The following ADAM32 variants were observed in gnomAD, a reference collection of about 807,000 sequenced individuals.
ADAM32 encodes the protein ADAM metallopeptidase domain 32, also known as disintegrin and metalloproteinase domain-containing protein 32.
ADAM32 carries 89 observed loss-of-function variants against 114.9 expected under a neutral mutation model. The observed-to-expected ratio is 0.77, with a 90% CI of 0.65 to 0.92. The LOEUF (loss-of-function observed/expected upper bound fraction) is 0.92. ADAM32 is among the 40% of genes least tolerant of loss of function. The pLI, the probability that ADAM32 is intolerant of heterozygous loss-of-function variation, is 0.00. For missense variants in ADAM32, 870 were observed against 932.8 expected (o/e 0.93, Z 0.88); for synonymous variants, 285 against 307.5 (o/e 0.93, Z 0.77).
At chr8:39,149,057 A>G (rs1803670437) in intron 4 of ADAM32, among the ~76,000 whole-genome samples, 2 of 152,172 alleles carry the variant, frequency 1.3e-5, no homozygotes, top group Admixed American at 1.3e-4. Flanking sequence ...AGTATTTTGC[A>G]TATGTTAACT....
intron 1 of ADAM32, among the ~76,000 whole-genome samples, chr8:39,113,946 G>T (rs1365539098): frequency 6.6e-6 from 1 of 152,104 alleles, no homozygotes; most frequent in Admixed American, 6.5e-5. Context: ...TGCATATTAG[G>T]TATTAGGAGA....
intron 20 of ADAM32, among the ~76,000 whole-genome samples, chr8:39,272,067 G>A (rs1447711542): frequency 4.3e-5 from 5 of 115,488 alleles, no homozygotes; most frequent in African/African-American, 1.7e-4. Context: ...AGGAGTTCAA[G>A]ACTGCAGTGA....
intron 11 of ADAM32, among the ~76,000 whole-genome samples, chr8:39,191,964 C>A (rs7000543): frequency 0.25 from 37,473 of 151,918 alleles, 4,997 homozygotes; most frequent in Non-Finnish European, 0.29. Context: ...GAATGGTACC[C>A]GGTCTTCTTT....
intron 11 of ADAM32, among the ~76,000 whole-genome samples, chr8:39,208,837 A>G (rs1808023717): frequency 6.6e-6 from 1 of 152,182 alleles, no homozygotes; most frequent in African/African-American, 2.4e-5. Context: ...TCTTTGACCT[A>G]TGAGAGTTTG....
At chr8:39,273,032 A>G (rs1387057181) in intron 20 of ADAM32, among the ~76,000 whole-genome samples, 1 of 152,050 alleles carries the variant, frequency 6.6e-6, no homozygotes, top group Non-Finnish European at 1.5e-5. Flanking sequence ...ACTGTCTTCC[A>G]TCTCCACATC....
In ADAM32 at chr8:39,192,852, T is replaced by G. The variant is rs1006729291; in HGVS notation, c.1052+5807T>G. Among the ~76,000 whole-genome samples, 67 of 152,216 alleles carry G rather than the reference T, an allele frequency of 4.4e-4. 1 individual carries two copies. The highest frequency in any genetic ancestry group is 1.5e-3 in the African/African-American group (64 of 41,460). ...ACATTGAATATTGGCCTCTGGTCTC[T>G]TCTGGCTTGTGGGGTTTCTGCTGAG... is the stretch of plus-strand genomic sequence containing the variant. On this transcript the variant is annotated intron_variant, in intron 11 of 24. Transcript: ENST00000379907.
At chr8:39,256,132 T>C (rs1811633658) in intron 18 of ADAM32, among the ~76,000 whole-genome samples, 1 of 152,052 alleles carries the variant, frequency 6.6e-6, no homozygotes, top group Admixed American at 6.6e-5. Context: ...ACTTTAGCCT[T>C]ATTGTCTATG....
intron 17 of ADAM32, among the ~76,000 whole-genome samples, chr8:39,247,188 T>G (rs1810984647): frequency 6.6e-6 from 1 of 152,206 alleles, no homozygotes; most frequent in South Asian, 2.1e-4. Context: ...TGTGTGGACA[T>G]AAATTTTCAC....
chr8:39,183,401 C>T (rs1476034734), intron 10 of ADAM32, among the ~76,000 whole-genome samples: 1 of 152,202 alleles, frequency 6.6e-6, no homozygotes, highest in African/African-American at 2.4e-5. Context: ...CCCTACCATA[C>T]CAGAAACCTT....
chr8:39,250,313 AC>A (rs1246241056), intron 17 of ADAM32, among the ~76,000 whole-genome samples: 4 of 151,264 alleles, frequency 2.6e-5, no homozygotes, highest in Non-Finnish European at 5.9e-5. Flanking sequence ...CTATTGAGAC[AC>A]CCTCAAGCTC....
At chr8:39,121,561 G>C (rs1840592302) in intron 2 of ADAM32, among the ~76,000 whole-genome samples, 1 of 152,084 alleles carries the variant, frequency 6.6e-6, no homozygotes, top group Non-Finnish European at 1.5e-5. Flanking sequence ...TAACAAACCT[G>C]CATGTTCTGC....
At chr8:39,141,955 T>C (rs1453434484) in intron 3 of ADAM32, among the ~76,000 whole-genome samples, 3 of 152,226 alleles carry the variant, frequency 2.0e-5, no homozygotes, top group Non-Finnish European at 4.4e-5. Context: ...TGGCCTTCTT[T>C]GTCTCTTTTG....
intron 24 of ADAM32, 100 bp from the exon 25 acceptor site, chr8:39,284,693 C>T: frequency 1.5e-6 from 2 of 1,308,524 alleles, no homozygotes; most frequent in Non-Finnish European, 2.2e-6. Context: ...TTTTTCGTGC[C>T]ACATGAATTT....
At chr8:39,160,257 A>G (rs1246730212) in intron 6 of ADAM32, among the ~76,000 whole-genome samples, 2 of 152,216 alleles carry the variant, frequency 1.3e-5, no homozygotes, top group Non-Finnish European at 2.9e-5. Flanking sequence ...ACACAAATAC[A>G]GAAAGGAGCG....
At chr8:39,124,520 C>T (rs910334703) in intron 2 of ADAM32, among the ~76,000 whole-genome samples, 6 of 151,732 alleles carry the variant, frequency 4.0e-5, no homozygotes, top group Non-Finnish European at 8.8e-5. Context: ...CGGGTTCATG[C>T]CATTCTCCTG....
In ADAM32 at chr8:39,177,226, A is replaced by AT. The variant is rs1277327141; in HGVS notation, c.915+7235dup. Among the ~76,000 whole-genome samples, 10 of 152,106 alleles carry AT rather than the reference A, an allele frequency of 6.6e-5. No homozygotes were observed. In the East Asian group the frequency reaches 1.7e-3, roughly 26 times the overall value. On this transcript the variant is annotated intron_variant, in intron 10 of 24. Transcript: ENST00000379907. Reference sequence around the variant, plus strand: ...AGGCACACATCACCATGCTTGGCTAATTTTTTGTGTTTTCAGTAGAGACAG... The same window carrying AT: ...AGGCACACATCACCATGCTTGGCTAATTTTTTTGTGTTTTCAGTAGAGACAG...
chr8:39,233,884 T>G lies in ADAM32; in HGVS notation c.1635-15T>G. 2 of 1,423,414 alleles carry G rather than the reference T, an allele frequency of 1.4e-6. No individual in the cohort carries two copies. Among genetic ancestry groups the G allele is most frequent in the Non-Finnish European group, 1.9e-6 (2 of 1,074,194 alleles). The allele number at this position is 1,423,414 out of a possible 1,614,324, so 88.2% of individuals were successfully genotyped here. ...CCTAATGTATAATAATCATATATATTTTTTATGTTTTCAGGAATCTTATAT... is the reference window on the plus strand; with the variant it reads ...CCTAATGTATAATAATCATATATATGTTTTATGTTTTCAGGAATCTTATAT... On this transcript the variant is annotated splice_polypyrimidine_tract_variant and intron_variant, in intron 15 of 24. Coordinates refer to ENST00000379907, the MANE Select transcript of ADAM32 (RefSeq NM_145004.7).
intron 1 of ADAM32, among the ~76,000 whole-genome samples, chr8:39,112,593 A>G (rs187266335): frequency 1.1e-4 from 16 of 152,156 alleles, no homozygotes; most frequent in Admixed American, 4.6e-4. Flanking sequence ...CTGTGGTGCT[A>G]GATAGGAAAC....
At chr8:39,141,147 G>A (rs571318349) in intron 3 of ADAM32, among the ~76,000 whole-genome samples, 1 of 152,122 alleles carries the variant, frequency 6.6e-6, no homozygotes, top group East Asian at 1.9e-4. Flanking sequence ...ACCAGCTCCT[G>A]GATTCATTAA....
Sources: gnomAD v4.1 joint callset for allele counts (sites outside exome capture counted in the v4.1 genomes callset) on GRCh38, gnomAD v4.1.1 for gene constraint, MANE v1.5 for transcripts, NCBI Gene and HGNC (gene_info 2026-07-23, HGNC 2026-07-21) for gene names.